Variants in GASK1A observed in about 807,000 individuals in gnomAD.
GASK1A encodes the protein golgi associated kinase 1A, also known as Golgi-associated kinase 1A.
In GASK1A, 40 loss-of-function variants were observed where a neutral mutation model predicts 41.2. The ratio of observed to expected loss-of-function variants is 0.97; its 90% CI spans 0.75 to 1.27. GASK1A has a LOEUF of 1.27. Among genes scored for constraint, GASK1A ranks in the 50% most tolerant of loss-of-function variants. The pLI, the probability that GASK1A is intolerant of heterozygous loss-of-function variation, is 0.00. For synonymous variants in GASK1A, 316 were observed against 307.1 expected (o/e 1.03, Z -0.30); for missense variants, 678 against 745.1 (o/e 0.91, Z 1.05).
chr3:43,002,700 T>A (rs1003958771), intron 1 of GASK1A, among the ~76,000 whole-genome samples: 2 of 152,232 alleles, frequency 1.3e-5, no homozygotes, highest in African/African-American at 4.8e-5. Context: ...GTTGAACTGA[T>A]AATATTTTTT....
Position 42,984,595 on chromosome 3 carries a change from CAGG to C in GASK1A, c.3+4953_3+4955del, listed in dbSNP as rs752714637. Among the ~76,000 whole-genome samples the C allele has an allele frequency of 4.6e-5, 7 of 152,124 alleles. No individual in the cohort carries two copies. Among genetic ancestry groups the C allele is most frequent in the Non-Finnish European group, 7.4e-5 (5 of 68,024 alleles). Reference sequence around the variant, plus strand: ...GCTGATGTGAAGGGTGAGGAAACAGCAGGAGTATAACTGAAATGCAGATTCAGT... The same window carrying C: ...GCTGATGTGAAGGGTGAGGAAACAGCAGTATAACTGAAATGCAGATTCAGT... On this transcript the variant is annotated intron_variant, in intron 1 of 4. Transcript: ENST00000430121. The surrounding 1 kb of genome is among the most constrained non-coding windows in gnomAD (Gnocchi z 4.2).
intron 1 of GASK1A, among the ~76,000 whole-genome samples, chr3:42,985,366 G>A (rs2089302950): frequency 6.6e-6 from 1 of 152,132 alleles, no homozygotes; most frequent in African/African-American, 2.4e-5. Context: ...CACATTCAAT[G>A]TGTAAATGTG....
intron 1 of GASK1A, among the ~76,000 whole-genome samples, chr3:43,030,223 T>C (rs1575446434): frequency 6.6e-6 from 1 of 152,300 alleles, no homozygotes; most frequent in East Asian, 1.9e-4. Context: ...GCCAGGTTCG[T>C]CTCAAACTCC....
Position 43,033,119 on chromosome 3 carries a change from C to T in GASK1A, c.856C>T (p.His286Tyr), listed in dbSNP as rs766481537. Reference sequence around the variant, plus strand: ...GGTGGACAAAGCCAGGGTCCCCGCCCATGGGCAGGTGCTACAGGTTGGCTT... The same window carrying T: ...GGTGGACAAAGCCAGGGTCCCCGCCTATGGGCAGGTGCTACAGGTTGGCTT... ...EVVDKARVPA[H>Y]GQVLQVGFST... The change falls in exon 2 of 5, where the codon CAT becomes TAT. Residue 286 changes from histidine to tyrosine, a missense_variant. Coordinates refer to ENST00000430121, the MANE Select transcript of GASK1A (RefSeq NM_001129908.3). 10 of 1,551,012 alleles carry T rather than the reference C, an allele frequency of 6.4e-6. No individual in the cohort carries two copies. In the South Asian group the frequency reaches 1.1e-4, roughly 17 times the overall value.
intron 1 of GASK1A, among the ~76,000 whole-genome samples, chr3:42,987,738 C>T (rs527284596): frequency 6.6e-6 from 1 of 152,172 alleles, no homozygotes; most frequent in South Asian, 2.1e-4. Flanking sequence ...GTGGCTCACA[C>T]CTGTAATCCC....
At chr3:43,030,796 G>A (rs1367642841) in intron 1 of GASK1A, among the ~76,000 whole-genome samples, 3 of 152,258 alleles carry the variant, frequency 2.0e-5, no homozygotes, top group South Asian at 2.1e-4. Flanking sequence ...GTCATGGGTC[G>A]GGGTCCCTGG....
chr3:43,034,562 C>G (rs1257225959), intron 2 of GASK1A, among the ~76,000 whole-genome samples: 1 of 152,204 alleles, frequency 6.6e-6, no homozygotes, highest in Non-Finnish European at 1.5e-5. Flanking sequence ...ACCAAATGGA[C>G]ATGGAACCAG....
intron 1 of GASK1A, among the ~76,000 whole-genome samples, chr3:42,998,988 A>G (rs1039958174): frequency 1.3e-5 from 2 of 151,860 alleles, no homozygotes; most frequent in South Asian, 2.1e-4. Flanking sequence ...TTTTTAACCT[A>G]ATATGTGTGT....
chr3:43,009,333 C>T (rs753866622), intron 1 of GASK1A, among the ~76,000 whole-genome samples: 18 of 152,328 alleles, frequency 1.2e-4, no homozygotes, highest in African/African-American at 2.2e-4. Flanking sequence ...AATGAAGAGA[C>T]GGATCCAGGT....
intron 1 of GASK1A, among the ~76,000 whole-genome samples, chr3:42,988,618 G>A (rs767451650): frequency 6.6e-6 from 1 of 152,262 alleles, no homozygotes; most frequent in Non-Finnish European, 1.5e-5. Flanking sequence ...TAGGCATGGT[G>A]CTGAGCCAGG....
chr3:42,979,740 G>A lies in GASK1A; in HGVS notation c.3+95G>A, dbSNP rs1017519539. 2.6e-4 allele frequency: 305 copies of A among 1,184,604 alleles called. 1 individual carries two copies. The highest frequency in any genetic ancestry group is 3.0e-4 in the Non-Finnish European group (283 of 934,426). The allele number at this position is 1,184,604 out of a possible 1,614,324, so 73.4% of individuals were successfully genotyped here. A position where few individuals can be genotyped will look rare whatever the true frequency, so the allele number is the denominator to read the frequency against. On this transcript the variant is annotated intron_variant, in intron 1 of 4. Coordinates refer to ENST00000430121, the MANE Select transcript of GASK1A (RefSeq NM_001129908.3). ...CGCGCAGCGGCCCAGGGCGCGCGCA[G>A]CCTGCGCGGCCTCCCGAGGCCGGAG...
rs773476206 is a variant in GASK1A at position 43,055,513 on chromosome 3, C to T, written c.1495C>T (p.Arg499Trp). The change falls in exon 4 of 5, where the codon CGG becomes TGG. Residue 499 changes from arginine (R) to tryptophan (W), a missense_variant. Arg to Trp is a moderately radical substitution (Grantham distance 101, BLOSUM62 -3). Transcript: ENST00000430121. ...GCACCCTGAGGACAAGCTGAACTTT[C>T]GGCTGCTGGAGGGCATAGATGGGTG... ...LQHPEDKLNF[R>W]LLEGIDGFPE... 1.2e-5 allele frequency: 18 copies of T among 1,551,922 alleles called. No homozygotes were observed. The highest frequency in any genetic ancestry group is 1.7e-4 in the Middle Eastern group (1 of 5,990).
chr3:42,998,289 C>T (rs2089387649), intron 1 of GASK1A, among the ~76,000 whole-genome samples: 1 of 152,036 alleles, frequency 6.6e-6, no homozygotes, highest in African/African-American at 2.4e-5. Context: ...CCAGGAGAGG[C>T]TGAAGAAGAG....
rs1325690077 is a variant in GASK1A, at chr3:43,014,203, G to A, written c.4-18064G>A. ...AGGAAGGGGCTGTGTGAAGTCACAG[G>A]TAGGGACAGGGGGTAGTCACAGGAA... On this transcript the variant is annotated intron_variant, in intron 1 of 4. Coordinates refer to ENST00000430121, the MANE Select transcript of GASK1A (RefSeq NM_001129908.3). Among the ~76,000 whole-genome samples the A allele has an allele frequency of 2.6e-5, 4 of 152,062 alleles. 1 individual carries two copies. Among genetic ancestry groups the A allele is most frequent in the South Asian group, 4.2e-4 (2 of 4,816 alleles).
At chr3:43,017,066 G>A (rs953067015) in intron 1 of GASK1A, among the ~76,000 whole-genome samples, 15 of 152,102 alleles carry the variant, frequency 9.9e-5, no homozygotes. Context: ...ACAGGAAGGG[G>A]CATTGTGAAG....
chr3:43,008,303 T>TG (rs912489588), intron 1 of GASK1A, among the ~76,000 whole-genome samples: 25 of 152,302 alleles, frequency 1.6e-4, no homozygotes, highest in African/African-American at 5.3e-4. Flanking sequence ...TGGCTACAGT[T>TG]GGTGTTCTGG....
intron 1 of GASK1A, among the ~76,000 whole-genome samples, chr3:42,990,370 C>T (rs947019916): frequency 3.3e-5 from 5 of 150,486 alleles, no homozygotes; most frequent in Non-Finnish European, 7.4e-5. Flanking sequence ...AAAAAAGGGT[C>T]CCTATGCATA....
chr3:42,993,956 G>A (rs763972085), intron 1 of GASK1A, among the ~76,000 whole-genome samples: 6 of 152,076 alleles, frequency 3.9e-5, no homozygotes, highest in Non-Finnish European at 8.8e-5. Flanking sequence ...TAAGACTATT[G>A]TATGAGACCC....
chr3:42,990,585 C>G (rs902688800), intron 1 of GASK1A, among the ~76,000 whole-genome samples: 1 of 152,196 alleles, frequency 6.6e-6, no homozygotes, highest in Non-Finnish European at 1.5e-5. Flanking sequence ...GCTCTATACC[C>G]TAGGCCCCTC....
Sources: allele counts gnomAD v4.1 joint callset (sites outside exome capture counted in the v4.1 genomes callset), GRCh38; gene constraint gnomAD v4.1.1; non-coding constraint Gnocchi (gnomAD v3.1); transcripts MANE v1.5; gene names NCBI Gene and HGNC (gene_info 2026-07-23, HGNC 2026-07-21).